LAMA3: variants seen among roughly 807,000 people sequenced by gnomAD.
LAMA3 encodes laminin subunit alpha-3.
LAMA3 carries 281 observed loss-of-function variants against 402.0 expected under a neutral mutation model. The observed-to-expected ratio is 0.70, with a 90% confidence interval of 0.63 to 0.77. The LOEUF (loss-of-function observed/expected upper bound fraction) is 0.77, where lower values mean the gene tolerates loss of function less well. LAMA3 is among the 30% of genes least tolerant of loss of function. The pLI is 0.00. For missense variants in LAMA3, 3,840 were observed against 4,215.5 expected, an observed-to-expected ratio of 0.91 and a Z score of 2.47; for synonymous variants, 1,431 against 1,558.4, an observed-to-expected ratio of 0.92 and a Z score of 1.93.
At chr18:23,764,374 A>G (rs955916709) in intron 8 of LAMA3, among the ~76,000 whole-genome samples, 1 of 152,238 alleles carries the variant, frequency 6.6e-6, no homozygotes, top group Non-Finnish European at 1.5e-5. Context: ...GCTAAGCACT[A>G]TAAGACCTTC....
chr18:23,832,232 C>A (rs576726459), intron 23 of LAMA3, among the ~76,000 whole-genome samples: 2 of 152,104 alleles, frequency 1.3e-5, no homozygotes, highest in Non-Finnish European at 2.9e-5. Context: ...CAGTCAGGCC[C>A]TTGTTTGGAG....
chr18:23,712,953 C>CT (rs2061024134), intron 1 of LAMA3, among the ~76,000 whole-genome samples: 1 of 151,894 alleles, frequency 6.6e-6, no homozygotes, highest in Non-Finnish European at 1.5e-5. Context: ...CTCTGACCCA[C>CT]TTAAAATACA....
intron 68 of LAMA3, among the ~76,000 whole-genome samples, chr18:23,942,191 C>T (rs993598483): frequency 1.3e-5 from 2 of 152,224 alleles, no homozygotes; most frequent in Non-Finnish European, 2.9e-5. Context: ...AACTATTTAT[C>T]GAGTGCCTAC....
In LAMA3 at chr18:23,857,933, G is replaced by T. The variant is rs201582541; in HGVS notation, c.4226G>T (p.Arg1409Ile). The change falls in exon 33 of 75, where the codon AGA (arginine) becomes ATA (isoleucine). Residue 1409 changes from arginine (R) to isoleucine (I), a missense_variant. Physicochemically the swap from Arg to Ile is moderately conservative, Grantham distance 97 (BLOSUM62 -3). Around this residue, in one of 3 missense-constraint regions of LAMA3, gnomAD observed 2,109 missense variants for 2,376.0 expected, o/e 0.89. Coordinates refer to ENST00000313654, the MANE Select transcript of LAMA3 (RefSeq NM_198129.4). ...FPECVPCNCN[R>I]DGTEPGVCDP... ...GAGTGTGTTCCCTGCAATTGCAACA[G>T]AGATGGGACTGAGCCAGGAGTGTGT... The T allele has an allele frequency of 5.5e-5, 88 of 1,614,116 alleles. No individual in the cohort carries two copies. Among genetic ancestry groups the T allele is most frequent in the Non-Finnish European group, 7.3e-5 (86 of 1,180,040 alleles).
At chr18:23,771,298 T>G (rs1421943359) in intron 8 of LAMA3, among the ~76,000 whole-genome samples, 1 of 152,136 alleles carries the variant, frequency 6.6e-6, no homozygotes, top group Admixed American at 6.5e-5. Context: ...GAATGACGAC[T>G]GAAAAAACAC....
chr18:23,939,447 A>C, intron 68 of LAMA3, 61 bp downstream of exon 68: 1 of 1,555,682 alleles, frequency 6.4e-7, no homozygotes, highest in Non-Finnish European at 8.9e-7. Flanking sequence ...ATTCCACCTC[A>C]GGGAAGTCTG....
At chr18:23,790,980 C>G (rs913196173) in intron 12 of LAMA3, among the ~76,000 whole-genome samples, 1 of 151,974 alleles carries the variant, frequency 6.6e-6, no homozygotes, top group African/African-American at 2.4e-5. Flanking sequence ...GCTCCGCCTC[C>G]TGGGTTCACG....
intron 41 of LAMA3, among the ~76,000 whole-genome samples, chr18:23,888,546 G>T (rs368110541): frequency 2.6e-5 from 4 of 152,232 alleles, no homozygotes; most frequent in East Asian, 3.9e-4. Context: ...GGGGCTGTGG[G>T]GGGGACCGGT....
At position 23,914,873 on chromosome 18, in the gene LAMA3, G is replaced by A. The variant is rs761732963; in HGVS notation, c.7644+13G>A. On this transcript the variant is annotated intron_variant, in intron 58 of 74. Transcript: ENST00000313654. ...ACCTGATTTTAAAGTAAGTGTAAAT[G>A]TTATTTCACTGAATTAAATATTAAA... is the stretch of plus-strand genomic sequence containing the variant. 6.3e-7 allele frequency: 1 copy of A among 1,585,814 alleles called. No individual in the cohort carries two copies. The highest frequency in any genetic ancestry group is 1.3e-5 in the African/African-American group (1 of 74,458).
At chr18:23,776,748 T>G (rs73969521) in intron 10 of LAMA3, among the ~76,000 whole-genome samples, 3,133 of 152,202 alleles carry the variant, frequency 0.021, 112 homozygotes, top group African/African-American at 0.071. Flanking sequence ...CCACTTTCTC[T>G]GTGGAGACTG....
chr18:23,847,389 T>C (rs2063839926), intron 31 of LAMA3, 75 bp from the exon 32 acceptor site: 4 of 1,480,968 alleles, frequency 2.7e-6, no homozygotes, highest in South Asian at 2.3e-5. Context: ...CTGGAAAGCC[T>C]GGCAGTTGGT....
chr18:23,770,648 C>T (rs1375436269), intron 8 of LAMA3, among the ~76,000 whole-genome samples: 1 of 152,100 alleles, frequency 6.6e-6, no homozygotes. Context: ...GTAGTCCCAG[C>T]TACTCGGGAG....
At chr18:23,747,844 G>GT (rs1215820508) in intron 2 of LAMA3, 99 bp from the exon 3 acceptor site, 1 of 779,488 alleles carries the variant, frequency 1.3e-6, no homozygotes, top group Non-Finnish European at 2.3e-6. Context: ...AGGGATTGTG[G>GT]TGGGACGTGT....
intron 2 of LAMA3, among the ~76,000 whole-genome samples, chr18:23,742,923 A>G (rs2061587969): frequency 6.6e-6 from 1 of 152,170 alleles, no homozygotes. Context: ...AGGGAGTACT[A>G]TTTAGTTGAG....
intron 7 of LAMA3, 128 bp downstream of exon 7, chr18:23,758,639 A>G (rs1360592956): frequency 7.4e-6 from 5 of 673,624 alleles, no homozygotes; most frequent in Non-Finnish European, 1.0e-5. Flanking sequence ...AAGTCTGTCT[A>G]TTGTAATAAG....
intron 59 of LAMA3, 141 bp from the exon 60 acceptor site, chr18:23,916,410 C>A (rs1187020725): frequency 5.4e-6 from 5 of 933,680 alleles, no homozygotes; most frequent in East Asian, 2.5e-5. Flanking sequence ...AAGATGTCTC[C>A]TCTGCTTTAA....
intron 3 of LAMA3, 133 bp from the exon 4 acceptor site, chr18:23,749,295 C>T (rs962355099): frequency 3.3e-4 from 205 of 620,078 alleles, no homozygotes; most frequent in Non-Finnish European, 2.1e-4. Flanking sequence ...ATCAGCCTTT[C>T]TCTAAAAGTT....
At chr18:23,927,844 ATGTTCTC>A (rs1334236068) in intron 62 of LAMA3, among the ~76,000 whole-genome samples, 2 of 152,224 alleles carry the variant, frequency 1.3e-5, no homozygotes, top group Non-Finnish European at 2.9e-5. Context: ...GATATTGTGC[ATGTTCTC>A]TGTCTCTTTA....
chr18:23,749,095 A>G (rs2061700743), intron 3 of LAMA3, among the ~76,000 whole-genome samples: 1 of 152,208 alleles, frequency 6.6e-6, no homozygotes, highest in South Asian at 2.1e-4. Context: ...GGGTTTCTGA[A>G]CCCTATGATG....
Sources: allele counts gnomAD v4.1 joint callset (sites outside exome capture counted in the v4.1 genomes callset), GRCh38; gene constraint gnomAD v4.1.1; regional missense constraint gnomAD v4.1.1; transcripts MANE v1.5; gene names NCBI Gene and HGNC (gene_info 2026-07-23, HGNC 2026-07-21).